The following TUBB4A variants were observed in gnomAD, a reference collection of about 807,000 sequenced individuals.
TUBB4A encodes tubulin beta-4A chain.
Under a neutral mutation model 35.1 loss-of-function variants are expected in TUBB4A, and 13 were observed. The observed-to-expected ratio is 0.37, with a 90% confidence interval of 0.24 to 0.59. The LOEUF is 0.59. TUBB4A is among the 20% of genes least tolerant of loss of function. The pLI is 0.71. For missense variants in TUBB4A, 299 were observed against 647.2 expected (o/e 0.46, Z 5.84); for synonymous variants, 279 against 272.4 (o/e 1.02, Z -0.24).
chr19:6,495,366 A>G lies in TUBB4A; in HGVS notation c.1133T>C (p.Phe378Ser). 6.2e-7 allele frequency: 1 copy of G among 1,613,750 alleles called. No individual in the cohort carries two copies. Among genetic ancestry groups the G allele is most frequent in the Non-Finnish European group, 8.5e-7 (1 of 1,179,960 alleles). Residue 378 changes from phenylalanine to serine, a missense_variant, in exon 4 of 4, where the codon TTC becomes TCC. Physicochemically the swap from Phe to Ser is radical, Grantham distance 155. Around this residue, in one of 5 missense-constraint regions of TUBB4A, gnomAD observed 125 missense variants for 279.1 expected, o/e 0.45. Transcript: ENST00000264071. The surrounding 1 kb of genome is among the most constrained non-coding windows in gnomAD (Gnocchi z 8.7). ...CGTGAACTGCTCGGAGATGCGCTTG[A>G]ACAGCTCCTGGATGGCCGTGCTGTT... ...IGNSTAIQELFKRISEQFTAM... is the reference protein window; with the variant it reads ...IGNSTAIQELSKRISEQFTAM...
chr19:6,498,054 AG>A (rs1255736150), intron 3 of TUBB4A, among the ~76,000 whole-genome samples: 2 of 151,730 alleles, frequency 1.3e-5, no homozygotes, highest in Non-Finnish European at 2.9e-5. Context: ...TACTAAAAAT[AG>A]AAAAAATTAG....
chr19:6,501,088 C>A lies in TUBB4A; in HGVS notation c.277+199G>T. The A allele has an allele frequency of 1.8e-6, 1 of 550,994 alleles. No individual in the cohort carries two copies. Among genetic ancestry groups the A allele is most frequent in the Non-Finnish European group, 3.2e-6 (1 of 311,228 alleles). The allele number at this position is 550,994 out of a possible 1,614,324, so 34.1% of individuals were successfully genotyped here. On this transcript the variant is annotated intron_variant, in intron 3 of 3. Coordinates refer to ENST00000264071, the MANE Select transcript of TUBB4A (RefSeq NM_006087.4). This position sits in a 1 kb window ranked among gnomAD's most constrained non-coding sequence, Gnocchi z 4.2. ...CTCCTCCAGGAAGACTTCCCTGAAT[C>A]CTTCTCTGTATCCGCCCTCCTCAGG...
chr19:6,494,985 A>G lies in TUBB4A; in HGVS notation c.*179T>C, dbSNP rs1914051213. ...GGGTTAAAGATAAATTAGGGCTCAA[A>G]GGGGAGCCAGGGTCGGAGATGAAGT... On this transcript the variant is annotated 3_prime_UTR_variant, in exon 4 of 4. Coordinates refer to ENST00000264071, the MANE Select transcript of TUBB4A (RefSeq NM_006087.4). The G allele has an allele frequency of 5.5e-6, 4 of 725,160 alleles. No individual in the cohort carries two copies. The East Asian group carries it at 1.1e-4, about 20-fold the overall frequency. The allele number at this position is 725,160 out of a possible 1,614,324, so 44.9% of individuals were successfully genotyped here. A position where few individuals can be genotyped will look rare whatever the true frequency, so the allele number is the denominator to read the frequency against.
chr19:6,501,298 T>C lies in TUBB4A; in HGVS notation c.266A>G (p.Asn89Ser). The C allele has an allele frequency of 6.2e-7, 1 of 1,613,866 alleles. No homozygotes were observed. Among genetic ancestry groups the C allele is most frequent in the Non-Finnish European group, 8.5e-7 (1 of 1,179,870 alleles). ...GCTGGGGGACTCACCAAACACGAAG[T>C]TGTCCGGCCGAAAGATCTGACCGAA... ...GPFGQIFRPDNFVFGQSGAGN... is the reference protein window; with the variant it reads ...GPFGQIFRPDSFVFGQSGAGN... Residue 89 changes from asparagine to serine, a missense_variant, in exon 3 of 4, where the codon AAC (asparagine) becomes AGC (serine). Transcript: ENST00000264071. This position sits in a 1 kb window ranked among gnomAD's most constrained non-coding sequence, Gnocchi z 4.2.
intron 3 of TUBB4A, among the ~76,000 whole-genome samples, chr19:6,496,746 GGGA>G (rs200891036): frequency 0.019 from 2,797 of 150,112 alleles, 92 homozygotes; most frequent in African/African-American, 0.064. Context: ...GCTTGAACCT[GGGA>G]GGAGGAGGCT....
chr19:6,499,210 C>T (rs892292117), intron 3 of TUBB4A, among the ~76,000 whole-genome samples: 1 of 152,000 alleles, frequency 6.6e-6, no homozygotes, highest in African/African-American at 2.4e-5. Context: ...TGCCTGTAGT[C>T]CCAGCTACTC....
At position 6,496,064 on chromosome 19, in the gene TUBB4A, G is replaced by C. The variant is rs200757174; in HGVS notation, c.435C>G (p.Ser145=). The change falls in exon 4 of 4, where the codon TCC becomes TCG. Residue 145 remains serine (S), a synonymous_variant. Transcript: ENST00000264071. Reference sequence around the variant, plus strand: ...TACTGATGAGCAGCGTGCCCATTCCGGACCCCGTGCCACCCCCCAGCGAGT... The same window carrying C: ...TACTGATGAGCAGCGTGCCCATTCCCGACCCCGTGCCACCCCCCAGCGAGT... The part of the protein sequence containing the change: ...LTHSLGGGTG[S]GMGTLLISKI... The C allele has an allele frequency of 6.2e-7, 1 of 1,614,158 alleles. No homozygotes were observed. Among genetic ancestry groups the C allele is most frequent in the South Asian group, 1.1e-5 (1 of 91,078 alleles).
In TUBB4A at chr19:6,495,181, C is replaced by T; in HGVS notation, c.1318G>A (p.Glu440Lys). 1 of 1,613,822 alleles carries T rather than the reference C, an allele frequency of 6.2e-7. No individual in the cohort carries two copies. The highest frequency in any genetic ancestry group is 8.5e-7 in the Non-Finnish European group (1 of 1,179,826). The change falls in exon 4 of 4, where the codon GAG becomes AAG. Residue 440 changes from glutamate to lysine, a missense_variant. By Grantham distance (56) the Glu-to-Lys change is moderately conservative. Coordinates refer to ENST00000264071, the MANE Select transcript of TUBB4A (RefSeq NM_006087.4). The surrounding 1 kb of genome is among the most constrained non-coding windows in gnomAD (Gnocchi z 8.7). ...AEEGEFEEEA[E>K]EEVA ...GGAGCAGCCTAGGCCACCTCCTCCT[C>T]CGCCTCCTCCTCGAACTCGCCCTCC... is the stretch of plus-strand genomic sequence containing the variant.
At chr19:6,497,113 G>T (rs1395017935) in intron 3 of TUBB4A, among the ~76,000 whole-genome samples, 9 of 131,898 alleles carry the variant, frequency 6.8e-5, no homozygotes, top group African/African-American at 2.5e-4. Context: ...AGTTACTAGG[G>T]GGGCTCAGGT....
Position 6,496,196 on chromosome 19 carries a change from C to T in TUBB4A, c.303G>A (p.Trp101Ter). The change falls in exon 4 of 4, where the codon TGG (tryptophan) becomes TGA (stop). Residue 101 changes from tryptophan to a stop codon, truncating the protein, a stop_gained. Transcript: ENST00000264071. LOFTEE classifies it high-confidence loss of function. ...CGCCCTCCGTGTAGTGCCCCTTTGCCCAGTTGTTGCCGGCTCCGGATTGGC... is the reference window on the plus strand; with the variant it reads ...CGCCCTCCGTGTAGTGCCCCTTTGCTCAGTTGTTGCCGGCTCCGGATTGGC... Reference protein sequence around the residue: ...VFGQSGAGNNWAKGHYTEGAE... With the variant: ...VFGQSGAGNN The T allele has an allele frequency of 1.2e-6, 2 of 1,612,328 alleles. No homozygotes were observed. The highest frequency in any genetic ancestry group is 1.7e-6 in the Non-Finnish European group (2 of 1,178,684).
rs1914103761 is a variant in TUBB4A at position 6,495,470 on chromosome 19, C to T, written c.1029G>A (p.Glu343=). ...CCGTCTTCACGTTGTTGGGGATCCA[C>T]TCCACGAAGTAGCTGCTGTTCTTGC... ...VQSKNSSYFV[E]WIPNNVKTAV... is the part of the protein sequence containing the mutation. Residue 343 remains glutamate, a synonymous_variant, in exon 4 of 4, where the codon GAG becomes GAA. Transcript: ENST00000264071. This position sits in a 1 kb window ranked among gnomAD's most constrained non-coding sequence, Gnocchi z 8.7. The T allele has an allele frequency of 1.9e-6, 3 of 1,614,116 alleles. No individual in the cohort carries two copies. The South Asian group carries it at 3.3e-5, about 18-fold the overall frequency.
At chr19:6,498,106 G>A (rs1398382314) in intron 3 of TUBB4A, among the ~76,000 whole-genome samples, 1 of 150,408 alleles carries the variant, frequency 6.6e-6, no homozygotes, top group Non-Finnish European at 1.5e-5. Flanking sequence ...AGCTACTCGG[G>A]AGGCTGAGGC....
intron 3 of TUBB4A, among the ~76,000 whole-genome samples, chr19:6,498,480 C>A (rs1914374657): frequency 6.6e-6 from 1 of 152,180 alleles, no homozygotes; most frequent in Non-Finnish European, 1.5e-5. Context: ...CTCCCACCTA[C>A]CTTGGGGTCA....
rs147013122 is a variant in TUBB4A at position 6,496,103 on chromosome 19, G to A, written c.396C>T (p.Gly132=). The change falls in exon 4 of 4, where the codon GGC becomes GGT. Residue 132 remains glycine, a synonymous_variant. Transcript: ENST00000264071. Reference sequence around the variant, plus strand: ...CCCCCAGCGAGTGGGTCAGCTGGAAGCCCTGAAGGCAGTCGCAGCTCTCGG... The same window carrying A: ...CCCCCAGCGAGTGGGTCAGCTGGAAACCCTGAAGGCAGTCGCAGCTCTCGG... ...KEAESCDCLQ[G]FQLTHSLGGG... The A allele has an allele frequency of 1.9e-6, 3 of 1,614,088 alleles. No homozygotes were observed. Among genetic ancestry groups the A allele is most frequent in the Non-Finnish European group, 2.5e-6 (3 of 1,180,054 alleles).
In TUBB4A at chr19:6,495,244, C is replaced by T. The variant is rs755172417; in HGVS notation, c.1255G>A (p.Val419Ile). 1.2e-6 allele frequency: 2 copies of T among 1,613,898 alleles called. No individual in the cohort carries two copies. The highest frequency in any genetic ancestry group is 1.7e-5 in the Admixed American group (1 of 59,998). ...TEAESNMNDLVSEYQQYQDAT... is the reference protein window; with the variant it reads ...TEAESNMNDLISEYQQYQDAT... ...TCCTGGTACTGCTGGTACTCAGATA[C>T]CAGGTCATTCATGTTGCTCTCGGCC... Residue 419 changes from valine (V) to isoleucine (I), a missense_variant, in exon 4 of 4, where the codon GTA becomes ATA. Val to Ile is a conservative substitution (Grantham distance 29). This residue lies in a region of TUBB4A where 125 missense variants were observed against 279.1 expected (regional missense o/e 0.45). Coordinates refer to ENST00000264071, the MANE Select transcript of TUBB4A (RefSeq NM_006087.4). This position sits in a 1 kb window ranked among gnomAD's most constrained non-coding sequence, Gnocchi z 8.7.
Position 6,501,130 on chromosome 19 carries a change from G to C in TUBB4A, c.277+157C>G. The C allele has an allele frequency of 1.6e-6, 1 of 611,498 alleles. No homozygotes were observed. The highest frequency in any genetic ancestry group is 2.9e-6 in the Non-Finnish European group (1 of 347,968). The allele number at this position is 611,498 out of a possible 1,614,324, so 37.9% of individuals were successfully genotyped here. On this transcript the variant is annotated intron_variant, in intron 3 of 3. Coordinates refer to ENST00000264071, the MANE Select transcript of TUBB4A (RefSeq NM_006087.4). This position sits in a 1 kb window ranked among gnomAD's most constrained non-coding sequence, Gnocchi z 4.2. The stretch of plus-strand genomic sequence containing the variant: ...CTCCTCAGGGCTCTCACAGTGGCCT[G>C]AGCATCCCCTCATCACAGCCCTGGA...
At chr19:6,496,885 C>T (rs778623219) in intron 3 of TUBB4A, among the ~76,000 whole-genome samples, 528 of 142,568 alleles carry the variant, frequency 3.7e-3, no homozygotes, top group Non-Finnish European at 4.5e-3. Flanking sequence ...AGACTGGGCA[C>T]AGTGGCTCAT....
At chr19:6,497,017 AAAAAAAAATATATATATATATATATATAT>A (rs1914247759) in intron 3 of TUBB4A, among the ~76,000 whole-genome samples, 2 of 51,688 alleles carry the variant, frequency 3.9e-5, no homozygotes, top group African/African-American at 1.6e-4. Flanking sequence ...AAAAAAAAAA[AAAAAAAAATATATATATATATATATATAT>A]ATATATATAT....
chr19:6,494,825 T>C lies in TUBB4A; in HGVS notation c.*339A>G. On this transcript the variant is annotated 3_prime_UTR_variant, in exon 4 of 4. Transcript: ENST00000264071. ...AGGTCTAGAGGTAAAATGGGATTCA[T>C]GGGGGGCAGAGGTCAAAGGTGAAGC... 1 of 395,938 alleles carries C rather than the reference T, an allele frequency of 2.5e-6. No individual in the cohort carries two copies. Among genetic ancestry groups the C allele is most frequent in the East Asian group, 5.0e-5 (1 of 19,964 alleles). 24.5% of individuals were successfully genotyped at this position (395,938 alleles called of 1,614,324 possible). A position where few individuals can be genotyped will look rare whatever the true frequency, so the allele number is the denominator to read the frequency against.
Sources: gnomAD v4.1 joint callset for allele counts (sites outside exome capture counted in the v4.1 genomes callset) on GRCh38, gnomAD v4.1.1 for gene constraint, gnomAD v4.1.1 regional missense constraint, Gnocchi (gnomAD v3.1) non-coding constraint, MANE v1.5 for transcripts, NCBI Gene and HGNC (gene_info 2026-07-23, HGNC 2026-07-21) for gene names.